Variants in RORA observed in about 807,000 individuals in gnomAD.
The protein encoded by RORA is nuclear receptor ROR-alpha.
RORA carries 7 observed loss-of-function variants against 69.5 expected under a neutral mutation model. That is an observed-to-expected ratio of 0.10 (90% CI 0.06 to 0.19). The LOEUF (loss-of-function observed/expected upper bound fraction) is 0.19. RORA is among the 10% of genes least tolerant of loss of function. RORA has a pLI of 1.00. For synonymous variants in RORA, 261 were observed against 240.8 expected, an observed-to-expected ratio of 1.08 and a Z score of -0.78; for missense variants, 457 against 663.0, an observed-to-expected ratio of 0.69 and a Z score of 3.41.
chr15:60,760,978 C>T (rs1187058900), intron 1 of RORA, among the ~76,000 whole-genome samples: 1 of 152,118 alleles, frequency 6.6e-6, no homozygotes, highest in Non-Finnish European at 1.5e-5. Context: ...TTGTATGACG[C>T]TGCCTAATTA....
intron 1 of RORA, among the ~76,000 whole-genome samples, chr15:60,960,091 C>T (rs1314112856): frequency 6.6e-6 from 1 of 152,068 alleles, no homozygotes; most frequent in African/African-American, 2.4e-5. Context: ...TTGCCTGAAA[C>T]TAGGATATGA....
At chr15:60,772,805 C>T (rs1274915170) in intron 1 of RORA, among the ~76,000 whole-genome samples, 3 of 152,192 alleles carry the variant, frequency 2.0e-5, no homozygotes, top group African/African-American at 4.8e-5. Context: ...CCCTGCACTG[C>T]GATTCCTCCT....
chr15:61,050,812 A>G (rs987065303), intron 1 of RORA, among the ~76,000 whole-genome samples: 10 of 152,188 alleles, frequency 6.6e-5, no homozygotes, highest in African/African-American at 2.4e-4. Flanking sequence ...ATCATAATGA[A>G]TAGGTACTAT....
chr15:60,909,341 A>C (rs1304368042), intron 1 of RORA, among the ~76,000 whole-genome samples: 5 of 152,180 alleles, frequency 3.3e-5, no homozygotes, highest in Non-Finnish European at 7.3e-5. Flanking sequence ...TTTAACAGAG[A>C]AACAAAGCCT....
chr15:60,533,371 A>G (rs1170497549), intron 2 of RORA, among the ~76,000 whole-genome samples: 1 of 152,208 alleles, frequency 6.6e-6, no homozygotes, highest in East Asian at 1.9e-4. Flanking sequence ...TAATAGGTAT[A>G]GTTTGAGTTA....
At chr15:60,842,758 G>A (rs543632224) in intron 1 of RORA, among the ~76,000 whole-genome samples, 24 of 149,708 alleles carry the variant, frequency 1.6e-4, no homozygotes, top group Admixed American at 2.7e-4. Flanking sequence ...CCAAACTGGT[G>A]CCTGGGGCAG....
intron 1 of RORA, among the ~76,000 whole-genome samples, chr15:60,779,767 A>G (rs1192716831): frequency 6.6e-6 from 1 of 152,230 alleles, no homozygotes; most frequent in Non-Finnish European, 1.5e-5. Flanking sequence ...ACATTTCCCC[A>G]GGAATTGCTG....
At chr15:60,845,581 G>C (rs536098201) in intron 1 of RORA, among the ~76,000 whole-genome samples, 1 of 152,110 alleles carries the variant, frequency 6.6e-6, no homozygotes, top group Non-Finnish European at 1.5e-5. Flanking sequence ...GGCATTAGTC[G>C]GTGTTCTTTG....
At chr15:61,115,555 T>C (rs1375953782) in intron 1 of RORA, among the ~76,000 whole-genome samples, 2 of 152,290 alleles carry the variant, frequency 1.3e-5, no homozygotes, top group East Asian at 1.9e-4. Flanking sequence ...TAGAGAGAGA[T>C]GGCATTGGAA....
chr15:61,168,295 C>T (rs1456808815), intron 1 of RORA, among the ~76,000 whole-genome samples: 3 of 151,994 alleles, frequency 2.0e-5, no homozygotes, highest in African/African-American at 7.2e-5. Flanking sequence ...GTGGCGTGAT[C>T]TTGGCTCACT....
intron 1 of RORA, among the ~76,000 whole-genome samples, chr15:60,712,687 T>C (rs1158143819): frequency 6.6e-6 from 1 of 152,198 alleles, no homozygotes; most frequent in Non-Finnish European, 1.5e-5. Context: ...TCTTGCAAAC[T>C]GCACAAGACT....
intron 1 of RORA, among the ~76,000 whole-genome samples, chr15:60,922,975 T>A (rs1053583478): frequency 1.3e-5 from 2 of 152,214 alleles, no homozygotes; most frequent in African/African-American, 4.8e-5. Flanking sequence ...AGGTGTGATA[T>A]CTGGTGTCAC....
At chr15:61,186,264 T>C (rs2079740136) in intron 1 of RORA, among the ~76,000 whole-genome samples, 1 of 152,122 alleles carries the variant, frequency 6.6e-6, no homozygotes, top group Non-Finnish European at 1.5e-5. Context: ...AAAGCAAACA[T>C]CATCCAGTAT....
At chr15:60,954,675 G>T (rs575997152) in intron 1 of RORA, among the ~76,000 whole-genome samples, 1 of 152,334 alleles carries the variant, frequency 6.6e-6, no homozygotes, top group Admixed American at 6.5e-5. Flanking sequence ...AAACCTTGAA[G>T]TTTCAAGTGA....
chr15:61,188,587 C>G (rs907001193), intron 1 of RORA, among the ~76,000 whole-genome samples: 3 of 152,058 alleles, frequency 2.0e-5, no homozygotes, highest in Non-Finnish European at 4.4e-5. Flanking sequence ...TTTAAGAGCA[C>G]CTACCTCACA....
intron 1 of RORA, among the ~76,000 whole-genome samples, chr15:60,825,962 C>G (rs1176469428): frequency 6.6e-6 from 1 of 152,176 alleles, no homozygotes; most frequent in African/African-American, 2.4e-5. Context: ...GGCTTCAAAG[C>G]CCTTTTAAAT....
chr15:61,190,626 C>T (rs1033566856), intron 1 of RORA, among the ~76,000 whole-genome samples: 2 of 151,818 alleles, frequency 1.3e-5, no homozygotes, highest in African/African-American at 4.8e-5. Context: ...CTAAGGGAGG[C>T]TATGGGAGGC....
intron 1 of RORA, among the ~76,000 whole-genome samples, chr15:60,993,162 G>C (rs191199085): frequency 1.2e-3 from 188 of 152,270 alleles, no homozygotes; most frequent in African/African-American, 4.5e-3. Flanking sequence ...AGTTGAAAAA[G>C]TACCCTGCAG....
At chr15:60,659,520 G>A (rs1388178485) in intron 2 of RORA, among the ~76,000 whole-genome samples, 3 of 152,300 alleles carry the variant, frequency 2.0e-5, no homozygotes, top group South Asian at 4.1e-4. Context: ...GACAACCTTA[G>A]TATAAAAGGT....
Sources: allele counts gnomAD v4.1 joint callset (sites outside exome capture counted in the v4.1 genomes callset), GRCh38; gene constraint gnomAD v4.1.1; transcripts MANE v1.5; gene names NCBI Gene and HGNC (gene_info 2026-07-23, HGNC 2026-07-21).